Variants in MCRS1 observed in about 807,000 individuals in gnomAD.
The protein encoded by MCRS1 is 58 kDa microspherule protein.
MCRS1 carries 22 observed loss-of-function variants against 62.9 expected under a neutral mutation model. The ratio of observed to expected loss-of-function variants is 0.35; its 90% confidence interval spans 0.25 to 0.50. The LOEUF is 0.50. Ranked by LOEUF, MCRS1 falls within the 20% of genes least tolerant of loss-of-function variation. The probability of loss-of-function intolerance (pLI) is 0.98; values close to 1 mark genes in which losing one functional copy is unlikely to be tolerated. For synonymous variants in MCRS1, 244 were observed against 233.5 expected, an observed-to-expected ratio of 1.04 and a Z score of -0.41; for missense variants, 456 against 601.1, an observed-to-expected ratio of 0.76 and a Z score of 2.52.
chr12:49,566,672 C>G, intron 2 of MCRS1, 50 bp downstream of exon 2: 1 of 1,612,892 alleles, frequency 6.2e-7, no homozygotes, highest in Non-Finnish European at 8.5e-7. Context: ...GTGGAATCAG[C>G]AGATGCTTGG....
Position 49,559,393 on chromosome 12 carries a change from G to A in MCRS1, c.1086+60C>T, listed in dbSNP as rs1049767164. The A allele has an allele frequency of 1.8e-5, 29 of 1,608,648 alleles. No individual in the cohort carries two copies. Among genetic ancestry groups the A allele is most frequent in the Admixed American group, 8.3e-5 (5 of 59,992 alleles). On this transcript the variant is annotated intron_variant, in intron 12 of 14. Coordinates refer to ENST00000343810, the MANE Select transcript of MCRS1 (RefSeq NM_006337.5). The surrounding 1 kb of genome is among the most constrained non-coding windows in gnomAD (Gnocchi z 5.2). Reference sequence around the variant, plus strand: ...AGAAAGATGGGAAACCAAGGACTACGCAGAGAAAGGCACTGACAGAGGAAG... The same window carrying A: ...AGAAAGATGGGAAACCAAGGACTACACAGAGAAAGGCACTGACAGAGGAAG...
In MCRS1 at chr12:49,559,876, A is replaced by T; in HGVS notation, c.911-55T>A. 6.2e-7 allele frequency: 1 copy of T among 1,612,374 alleles called. No individual in the cohort carries two copies. Among genetic ancestry groups the T allele is most frequent in the Non-Finnish European group, 8.5e-7 (1 of 1,178,384 alleles). On this transcript the variant is annotated intron_variant, in intron 10 of 14. Transcript: ENST00000343810. The surrounding 1 kb of genome is among the most constrained non-coding windows in gnomAD (Gnocchi z 5.2). The stretch of plus-strand genomic sequence containing the variant: ...TGCTCTGAGGCCACCAGCACCTTGT[A>T]CTGGTCCTCTTGATTCTGGCAGGAG...
In MCRS1 at chr12:49,559,169, G is replaced by A. The variant is rs550727169; in HGVS notation, c.1174+45C>T. On this transcript the variant is annotated intron_variant, in intron 13 of 14. Transcript: ENST00000343810. This position sits in a 1 kb window ranked among gnomAD's most constrained non-coding sequence, Gnocchi z 5.2. Reference sequence around the variant, plus strand: ...GAAAGGACAGCGAGAGGCTGGGAGGGACGACCTCACACTGCTTCCTGCTGG... The same window carrying A: ...GAAAGGACAGCGAGAGGCTGGGAGGAACGACCTCACACTGCTTCCTGCTGG... 1.3e-6 allele frequency: 2 copies of A among 1,594,806 alleles called. No individual in the cohort carries two copies. Among genetic ancestry groups the A allele is most frequent in the East Asian group, 2.2e-5 (1 of 44,742 alleles).
At chr12:49,566,687 C>T (rs765795812) in intron 2 of MCRS1, 35 bp downstream of exon 2, 88 of 1,613,584 alleles carry the variant, frequency 5.5e-5, no homozygotes, top group Non-Finnish European at 7.0e-5. Flanking sequence ...GCTTGGCGCC[C>T]GAGCATTTGG....
At chr12:49,567,557 G>C (rs1939126992) in intron 1 of MCRS1, 1 of 152,118 alleles carries the variant, frequency 6.6e-6, no homozygotes, top group Non-Finnish European at 1.5e-5. Flanking sequence ...CGCTCCATAG[G>C]CTACGACTAA....
At position 49,558,815 on chromosome 12, in the gene MCRS1, T is replaced by C. The variant is rs755758824; in HGVS notation, c.1302+28A>G. Reference sequence around the variant, plus strand: ...GGCTCACCACGCCTAGGTCTCATCCTGGCCTTCCTGCCTCCTCCCCAGCTC... The same window carrying C: ...GGCTCACCACGCCTAGGTCTCATCCCGGCCTTCCTGCCTCCTCCCCAGCTC... On this transcript the variant is annotated intron_variant, in intron 14 of 14. Transcript: ENST00000343810. 5.6e-6 allele frequency: 9 copies of C among 1,613,308 alleles called. No homozygotes were observed. In the East Asian group the frequency reaches 1.8e-4, roughly 32 times the overall value.
chr12:49,561,786 G>A (rs538851106), intron 8 of MCRS1, among the ~76,000 whole-genome samples: 11 of 152,248 alleles, frequency 7.2e-5, no homozygotes, highest in African/African-American at 2.4e-4. Context: ...GTGCCACCAG[G>A]CCTGGCTACT....
At position 49,565,606 on chromosome 12, in the gene MCRS1, T is replaced by C. The variant is rs1474790560; in HGVS notation, c.211A>G (p.Thr71Ala). Residue 71 changes from threonine to alanine, a missense_variant, in exon 4 of 15, where the codon ACC (threonine) becomes GCC (alanine). Physicochemically the swap from Thr to Ala is moderately conservative, Grantham distance 58. Around this residue, in one of 3 missense-constraint regions of MCRS1, gnomAD observed 393 missense variants for 523.5 expected, o/e 0.75. Transcript: ENST00000343810. ...ACCCCACTGGCCCCCTTTGCCCGGG[T>C]AGAAGATTTTGCCAGGCTGCTCTCC... Reference protein sequence around the residue: ...LVESSLAKSSTRAKGASGVEP... With the variant: ...LVESSLAKSSARAKGASGVEP... The C allele has an allele frequency of 2.5e-6, 4 of 1,613,614 alleles. No individual in the cohort carries two copies. The highest frequency in any genetic ancestry group is 2.2e-5 in the East Asian group (1 of 44,890).
In MCRS1 at chr12:49,558,915, C is replaced by A; in HGVS notation, c.1230G>T (p.Arg410=). 1 of 1,612,926 alleles carries A rather than the reference C, an allele frequency of 6.2e-7. No individual in the cohort carries two copies. The highest frequency in any genetic ancestry group is 1.1e-5 in the South Asian group (1 of 91,072). ...CCGGCCGTCCATCGATGTAGATGGG[C>A]CGTCGACCCTCATTGGCAATGAAGA... ...GDFFIANEGR[R]PIYIDGRPVL... The change falls in exon 14 of 15, where the codon CGG becomes CGT. Residue 410 remains arginine, a synonymous_variant. Coordinates refer to ENST00000343810, the MANE Select transcript of MCRS1 (RefSeq NM_006337.5).
chr12:49,566,931 A>C, intron 1 of MCRS1, 90 bp from the exon 2 acceptor site: 2 of 663,626 alleles, frequency 3.0e-6, no homozygotes, highest in Non-Finnish European at 5.2e-6. Flanking sequence ...CCAGGGTCCC[A>C]TAAGCTAGGG....
At position 49,558,445 on chromosome 12, in the gene MCRS1, C is replaced by T. The variant is rs1349706488; in HGVS notation, c.*198G>A. 2 of 567,808 alleles carry T rather than the reference C, an allele frequency of 3.5e-6. No homozygotes were observed. The highest frequency in any genetic ancestry group is 2.6e-5 in the South Asian group (1 of 38,576). The allele number at this position is 567,808 out of a possible 1,614,324, so 35.2% of individuals were successfully genotyped here. A position where few individuals can be genotyped will look rare whatever the true frequency, so the allele number is the denominator to read the frequency against. On this transcript the variant is annotated 3_prime_UTR_variant, in exon 15 of 15. Transcript: ENST00000343810. ...AGGAAGATGGGGAGGGGCTCTGGAT[C>T]TAGGGAAGCCTGAGGTTCTCAGCCT... is the stretch of plus-strand genomic sequence containing the variant.
rs375213855 is a variant in MCRS1 at position 49,564,561 on chromosome 12, G to T, written c.477C>A (p.Gly159=). Residue 159 remains glycine (G), a synonymous_variant, in exon 6 of 15, where the codon GGC becomes GGA. Coordinates refer to ENST00000343810, the MANE Select transcript of MCRS1 (RefSeq NM_006337.5). ...QTNDLTSVHL[G]VKFSCRFTLR... Reference sequence around the variant, plus strand: ...GGGTGAAGCGGCAGCTGAATTTCACGCCCAGGTGGACGGAGGTCAGGTCGT... The same window carrying T: ...GGGTGAAGCGGCAGCTGAATTTCACTCCCAGGTGGACGGAGGTCAGGTCGT... 3.7e-6 allele frequency: 6 copies of T among 1,611,534 alleles called. No homozygotes were observed. Among genetic ancestry groups the T allele is most frequent in the African/African-American group, 2.7e-5 (2 of 74,848 alleles).
intron 4 of MCRS1, chr12:49,565,182 C>T: frequency 1.0e-6 from 1 of 985,446 alleles, no homozygotes; most frequent in Non-Finnish European, 1.2e-6. Context: ...CGGGAAATCA[C>T]TCTTGCTGGT....
chr12:49,563,555 GGAAA>G lies in MCRS1; in HGVS notation c.558-13_558-10del. ...TGGCCTGACAGGCCAACCTGGACACGGAAAGAGACAGAGGGGAGGGGTGAAGGAA... is the reference window on the plus strand; with the variant it reads ...TGGCCTGACAGGCCAACCTGGACACGGAGACAGAGGGGAGGGGTGAAGGAA... On this transcript the variant is annotated splice_polypyrimidine_tract_variant and intron_variant, in intron 6 of 14. Transcript: ENST00000343810. 2 of 1,601,524 alleles carry G rather than the reference GGAAA, an allele frequency of 1.2e-6. No homozygotes were observed. The highest frequency in any genetic ancestry group is 1.7e-6 in the Non-Finnish European group (2 of 1,173,574).
Position 49,565,363 on chromosome 12 carries a change from A to T in MCRS1, c.288+166T>A, listed in dbSNP as rs116159158. ...GTGGGGGCTGCAGCAAGAAATGGGG[A>T]GTAGGGAGAGGTGTGTTCCCAGGAG... is the stretch of plus-strand genomic sequence containing the variant. On this transcript the variant is annotated intron_variant, in intron 4 of 14. Transcript: ENST00000343810. 3.5e-3 allele frequency: 3,463 copies of T among 985,190 alleles called. 100 individuals are homozygous for T. The African/African-American group carries it at 0.055, about 16-fold the overall frequency. 61.0% of individuals were successfully genotyped at this position (985,190 alleles called of 1,614,324 possible). A position where few individuals can be genotyped will look rare whatever the true frequency, so the allele number is the denominator to read the frequency against.
At chr12:49,563,188 CCTCT>C in intron 7 of MCRS1, 49 bp from the exon 8 acceptor site, 1 of 1,544,940 alleles carries the variant, frequency 6.5e-7, no homozygotes, top group Non-Finnish European at 8.8e-7. Flanking sequence ...TTCACACATG[CCTCT>C]CTGCCTTACC....
intron 8 of MCRS1, among the ~76,000 whole-genome samples, chr12:49,561,580 T>G (rs1938770274): frequency 1.3e-5 from 2 of 152,270 alleles, no homozygotes; most frequent in African/African-American, 4.8e-5. Flanking sequence ...AATAAAACTT[T>G]CATGATAAGG....
In MCRS1 at chr12:49,564,291, G is replaced by A. The variant is rs539819109; in HGVS notation, c.557+190C>T. ...TCCCATGCTATTCCCTCTGCCTGCAGACTCCCTTGCCTGGAGGCAGGAAGA... is the reference window on the plus strand; with the variant it reads ...TCCCATGCTATTCCCTCTGCCTGCAAACTCCCTTGCCTGGAGGCAGGAAGA... On this transcript the variant is annotated intron_variant, in intron 6 of 14. Coordinates refer to ENST00000343810, the MANE Select transcript of MCRS1 (RefSeq NM_006337.5). Among the ~76,000 whole-genome samples, 7 of 152,292 alleles carry A rather than the reference G, an allele frequency of 4.6e-5. No homozygotes were observed. The South Asian group carries it at 1.0e-3, about 23-fold the overall frequency.
chr12:49,566,660 G>C (rs1006468575), intron 2 of MCRS1, 62 bp downstream of exon 2: 3 of 1,610,484 alleles, frequency 1.9e-6, no homozygotes, highest in Non-Finnish European at 2.5e-6. Flanking sequence ...GCCAGGCACA[G>C]AGTGGAATCA....
Sources: gnomAD v4.1 joint callset for allele counts (sites outside exome capture counted in the v4.1 genomes callset) on GRCh38, gnomAD v4.1.1 for gene constraint, gnomAD v4.1.1 regional missense constraint, Gnocchi (gnomAD v3.1) non-coding constraint, MANE v1.5 for transcripts, NCBI Gene and HGNC (gene_info 2026-07-23, HGNC 2026-07-21) for gene names.